The following STAMBPL1 variants were observed in gnomAD, a reference collection of about 807,000 sequenced individuals.
STAMBPL1 encodes the protein STAM binding protein like 1.
STAMBPL1 carries 44 observed loss-of-function variants against 52.9 expected under a neutral mutation model. That is an observed-to-expected ratio of 0.83 (90% CI 0.65 to 1.07). The LOEUF is 1.07. Ranked by LOEUF, STAMBPL1 falls within the 50% of genes least tolerant of loss-of-function variation. The pLI, the probability that STAMBPL1 is intolerant of heterozygous loss-of-function variation, is 0.00. For missense variants in STAMBPL1, 511 were observed against 520.8 expected (o/e 0.98, Z 0.18); for synonymous variants, 164 against 177.3 (o/e 0.92, Z 0.60).
At chr10:88,888,767 T>C (rs181474010) in intron 1 of STAMBPL1, among the ~76,000 whole-genome samples, 18 of 152,276 alleles carry the variant, frequency 1.2e-4, no homozygotes, top group Admixed American at 4.6e-4. Context: ...CATGTAGAAA[T>C]TGGCAGGGCT....
chr10:88,894,527 G>A lies in STAMBPL1; in HGVS notation c.-53-7129G>A, dbSNP rs78289396. On this transcript the variant is annotated intron_variant, in intron 1 of 10. Transcript: ENST00000371926. Reference sequence around the variant, plus strand: ...TCATGTAGCACATTCACTGTAATCAGCAGGTGGTTCACTCACAGAAGATCT... The same window carrying A: ...TCATGTAGCACATTCACTGTAATCAACAGGTGGTTCACTCACAGAAGATCT... Among the ~76,000 whole-genome samples the A allele has an allele frequency of 5.2e-3, 798 of 152,306 alleles. 8 individuals carry two copies. Among genetic ancestry groups the A allele is most frequent in the African/African-American group, 0.019 (769 of 41,560 alleles).
At chr10:88,885,011 A>T (rs1413184607) in intron 1 of STAMBPL1, among the ~76,000 whole-genome samples, 1 of 152,336 alleles carries the variant, frequency 6.6e-6, no homozygotes, top group South Asian at 2.1e-4. Flanking sequence ...ATTAAGTGCT[A>T]TATGTGTTCG....
chr10:88,919,999 G>A (rs1161756228), intron 8 of STAMBPL1, among the ~76,000 whole-genome samples: 2 of 151,900 alleles, frequency 1.3e-5, no homozygotes, highest in Non-Finnish European at 2.9e-5. Context: ...ACCATGCCTA[G>A]CTAATTAAAA....
At chr10:88,902,727 C>T (rs906657069) in intron 2 of STAMBPL1, among the ~76,000 whole-genome samples, 10 of 152,044 alleles carry the variant, frequency 6.6e-5, no homozygotes, top group African/African-American at 1.2e-4. Flanking sequence ...GCCGCCACCA[C>T]GCCCAGCTAA....
At chr10:88,912,422 A>G (rs139489194) in intron 5 of STAMBPL1, 1 of 152,314 alleles carries the variant, frequency 6.6e-6, no homozygotes, top group East Asian at 1.9e-4. Context: ...CCTCCTTTTT[A>G]GCAAAACTCT....
At chr10:88,914,939 A>G (rs1845332324) in intron 7 of STAMBPL1, among the ~76,000 whole-genome samples, 1 of 152,158 alleles carries the variant, frequency 6.6e-6, no homozygotes, top group Non-Finnish European at 1.5e-5. Flanking sequence ...GGTACGAAAT[A>G]TAGGTCTTCA....
chr10:88,921,224 G>T (rs1845502214), intron 8 of STAMBPL1, 59 bp from the exon 9 acceptor site: 1 of 1,309,040 alleles, frequency 7.6e-7, no homozygotes, highest in East Asian at 2.4e-5. Context: ...TATTAAAATA[G>T]CCTATGGCCT....
At chr10:88,891,005 G>C (rs1046409989) in intron 1 of STAMBPL1, among the ~76,000 whole-genome samples, 2 of 152,220 alleles carry the variant, frequency 1.3e-5, no homozygotes, top group East Asian at 1.9e-4. Flanking sequence ...TTGTTGGGAA[G>C]AGTTGGGAAT....
At chr10:88,897,007 G>T (rs1413913624) in intron 1 of STAMBPL1, among the ~76,000 whole-genome samples, 1 of 152,182 alleles carries the variant, frequency 6.6e-6, no homozygotes, top group African/African-American at 2.4e-5. Context: ...TTAAAGGGCA[G>T]AATTGTTGAG....
chr10:88,909,971 CT>C (rs1213864069), intron 4 of STAMBPL1, among the ~76,000 whole-genome samples: 1 of 152,072 alleles, frequency 6.6e-6, no homozygotes, highest in Non-Finnish European at 1.5e-5. Context: ...AACATTTCCC[CT>C]CAGTTCTCTT....
intron 2 of STAMBPL1, among the ~76,000 whole-genome samples, chr10:88,903,298 A>T (rs1844992215): frequency 2.0e-5 from 3 of 150,628 alleles, no homozygotes. Flanking sequence ...TTTCATTTTC[A>T]GGGAAAAAAA....
intron 8 of STAMBPL1, among the ~76,000 whole-genome samples, chr10:88,917,455 C>T (rs1485837259): frequency 6.6e-6 from 1 of 152,102 alleles, no homozygotes; most frequent in Non-Finnish European, 1.5e-5. Flanking sequence ...GAGGTTAAAT[C>T]TTGGCTCTGG....
chr10:88,885,531 C>G (rs1370329395), intron 1 of STAMBPL1, among the ~76,000 whole-genome samples: 3 of 152,046 alleles, frequency 2.0e-5, no homozygotes, highest in Non-Finnish European at 4.4e-5. Flanking sequence ...TTATGCCTCC[C>G]TCATATAATA....
intron 1 of STAMBPL1, chr10:88,894,029 TTTC>T (rs1277249469): frequency 6.6e-6 from 1 of 152,170 alleles, no homozygotes; most frequent in Non-Finnish European, 1.5e-5. Context: ...AGGCTTTAGT[TTTC>T]TTATCTGTAA....
chr10:88,904,841 T>A (rs966216016), intron 2 of STAMBPL1, among the ~76,000 whole-genome samples: 2 of 152,154 alleles, frequency 1.3e-5, no homozygotes, highest in Non-Finnish European at 2.9e-5. Flanking sequence ...TCTGAGATTC[T>A]TTTTATGTTA....
chr10:88,895,293 T>A (rs1272058987), intron 1 of STAMBPL1, among the ~76,000 whole-genome samples: 1 of 152,206 alleles, frequency 6.6e-6, no homozygotes, highest in Non-Finnish European at 1.5e-5. Flanking sequence ...TCCCCTCAGG[T>A]CTCATTGTCC....
intron 2 of STAMBPL1, among the ~76,000 whole-genome samples, chr10:88,903,157 T>C (rs1180271273): frequency 6.6e-6 from 1 of 152,222 alleles, no homozygotes; most frequent in Non-Finnish European, 1.5e-5. Context: ...AATTTGTGTT[T>C]TCATCCAAGA....
chr10:88,894,504 A>G (rs1056734887), intron 1 of STAMBPL1, among the ~76,000 whole-genome samples: 17 of 152,256 alleles, frequency 1.1e-4, no homozygotes, highest in Admixed American at 1.1e-3. Context: ...ATTAGAAATC[A>G]TGTAGCACAT....
rs1319510824 is a variant in STAMBPL1 at position 88,916,927 on chromosome 10, A to C, written c.1041+110A>C. 4.2e-6 allele frequency: 5 copies of C among 1,176,538 alleles called. No individual in the cohort carries two copies. The East Asian group carries it at 1.1e-4, about 26-fold the overall frequency. The allele number at this position is 1,176,538 out of a possible 1,614,324, so 72.9% of individuals were successfully genotyped here. A position where few individuals can be genotyped will look rare whatever the true frequency, so the allele number is the denominator to read the frequency against. ...ATAGCTTCTTCTTTTTAATTTTTTC[A>C]AATGTAATAAAGGTTGTCATTTAAG... On this transcript the variant is annotated intron_variant, in intron 8 of 10. Coordinates refer to ENST00000371926, the MANE Select transcript of STAMBPL1 (RefSeq NM_020799.4).
Sources: allele counts gnomAD v4.1 joint callset (sites outside exome capture counted in the v4.1 genomes callset), GRCh38; gene constraint gnomAD v4.1.1; transcripts MANE v1.5; gene names NCBI Gene and HGNC (gene_info 2026-07-23, HGNC 2026-07-21).